The following GALNT14 variants were observed in gnomAD, a reference collection of about 807,000 sequenced individuals.
GALNT14 encodes the protein polypeptide N-acetylgalactosaminyltransferase 14, also known as UDP-GalNAc:polypeptide N-acetylgalactosaminyltransferase 14.
In GALNT14, 60 loss-of-function variants were observed where a neutral mutation model predicts 77.5. The observed-to-expected ratio is 0.77, with a 90% CI of 0.63 to 0.96. GALNT14 has a LOEUF of 0.96. Among genes scored for constraint, GALNT14 ranks in the 40% least tolerant of loss-of-function variants. GALNT14 has a pLI of 0.00. For synonymous variants in GALNT14, 280 were observed against 281.7 expected (o/e 0.99, Z 0.06); for missense variants, 710 against 731.0 (o/e 0.97, Z 0.33).
At chr2:30,887,822 A>C in the GALNT14 span, among the ~76,000 whole-genome samples, 1 of 152,112 alleles carries the variant, frequency 6.6e-6, no homozygotes, top group Non-Finnish European at 1.5e-5. Flanking sequence ...TTTTCTTCCA[A>C]GGGTTTTTGG....
At position 30,910,819 on chromosome 2, in the gene GALNT14, G is replaced by A. The variant is rs1664309553; in HGVS notation, c.*82C>T. 1 of 1,490,646 alleles carries A rather than the reference G, an allele frequency of 6.7e-7. No individual in the cohort carries two copies. Among genetic ancestry groups the A allele is most frequent in the Non-Finnish European group, 9.1e-7 (1 of 1,099,238 alleles). 92.3% of individuals were successfully genotyped at this position (1,490,646 alleles called of 1,614,324 possible). On this transcript the variant is annotated 3_prime_UTR_variant, in exon 15 of 15. Coordinates refer to ENST00000349752, the MANE Select transcript of GALNT14 (RefSeq NM_024572.4). ...GTCCAGGATGTCTGAGGTGGTTGCA[G>A]GCTGCTTGCTGCCCAGTTTCCAGTC...
chr2:30,991,157 T>G (rs1334811402), intron 2 of GALNT14: 1 of 151,784 alleles, frequency 6.6e-6, no homozygotes, highest in East Asian at 1.9e-4. Context: ...CTTGTTGCCT[T>G]CTTTCTGCAG....
chr2:31,041,195 A>G (rs1200001012), intron 1 of GALNT14, among the ~76,000 whole-genome samples: 3 of 152,174 alleles, frequency 2.0e-5, no homozygotes, highest in Non-Finnish European at 4.4e-5. Flanking sequence ...TAGAAGGCAA[A>G]AAGATAAAGG....
chr2:31,068,908 G>A (rs973920610), intron 1 of GALNT14, among the ~76,000 whole-genome samples: 3 of 152,174 alleles, frequency 2.0e-5, no homozygotes, highest in South Asian at 2.1e-4. Context: ...AAGAGGCCAC[G>A]TATTGTATGA....
chr2:31,100,595 A>C lies in GALNT14; in HGVS notation c.129+37363T>G, dbSNP rs183929309. Among the ~76,000 whole-genome samples, 1,028 of 152,076 alleles carry C rather than the reference A, an allele frequency of 6.8e-3. 12 individuals are homozygous for C. The highest frequency in any genetic ancestry group is 9.1e-3 in the Non-Finnish European group (620 of 67,944). ...AGTATCACCTGTGCAATGAGGAGTA[A>C]CAGTACTAATAGCATAGATCCTTGT... On this transcript the variant is annotated intron_variant, in intron 1 of 14. Coordinates refer to ENST00000349752, the MANE Select transcript of GALNT14 (RefSeq NM_024572.4).
At chr2:30,953,059 A>G (rs1667134250) in intron 6 of GALNT14, among the ~76,000 whole-genome samples, 1 of 152,112 alleles carries the variant, frequency 6.6e-6, no homozygotes, top group South Asian at 2.1e-4. Context: ...GTACTCCTAG[A>G]CTCAGTTCTG....
chr2:31,010,309 G>A (rs1049092504), intron 1 of GALNT14, among the ~76,000 whole-genome samples: 6 of 152,184 alleles, frequency 3.9e-5, no homozygotes, highest in Admixed American at 6.5e-5. Flanking sequence ...TCTTAAAAAC[G>A]ACATCTGTGG....
the GALNT14 span, among the ~76,000 whole-genome samples, chr2:30,902,304 T>A: frequency 1.2e-4 from 19 of 152,156 alleles, no homozygotes; most frequent in African/African-American, 4.1e-4. Context: ...TAGAGAGCAT[T>A]TGGATAACTC....
chr2:31,069,966 A>G (rs1242722368), intron 1 of GALNT14, among the ~76,000 whole-genome samples: 1 of 152,094 alleles, frequency 6.6e-6, no homozygotes, highest in Non-Finnish European at 1.5e-5. Context: ...CTGGACCGAG[A>G]GAAGAGGAGG....
At chr2:30,942,453 T>C in intron 8 of GALNT14, 149 bp from the exon 9 acceptor site, 1 of 616,248 alleles carries the variant, frequency 1.6e-6, no homozygotes. Context: ...TCTTCCCATT[T>C]CTGTTCCTCT....
chr2:31,000,721 C>A (rs1257930362), intron 1 of GALNT14, among the ~76,000 whole-genome samples: 1 of 152,122 alleles, frequency 6.6e-6, no homozygotes, highest in Non-Finnish European at 1.5e-5. Flanking sequence ...AGGCAGCCTG[C>A]TTTACGCAAA....
At chr2:30,926,919 G>A in intron 11 of GALNT14, among the ~76,000 whole-genome samples, 1 of 152,178 alleles carries the variant, frequency 6.6e-6, no homozygotes. Context: ...GGGCACTGGA[G>A]GAATGGAAAA....
intron 1 of GALNT14, among the ~76,000 whole-genome samples, chr2:31,062,733 G>A (rs975109791): frequency 2.0e-5 from 3 of 152,136 alleles, no homozygotes; most frequent in African/African-American, 7.2e-5. Flanking sequence ...GTTGTTTCAT[G>A]ACTTTTTAAT....
chr2:31,102,575 G>T (rs1162862671), intron 1 of GALNT14, among the ~76,000 whole-genome samples: 6 of 152,094 alleles, frequency 3.9e-5, no homozygotes, highest in Non-Finnish European at 7.4e-5. Context: ...CTAATAGATG[G>T]TCAATATTTG....
intron 12 of GALNT14, 149 bp from the exon 13 acceptor site, chr2:30,924,412 T>A: frequency 1.2e-6 from 1 of 800,646 alleles, no homozygotes. Context: ...AGGGTGCCAC[T>A]AAGAATGAGG....
chr2:30,966,283 A>T lies in GALNT14; in HGVS notation c.319T>A (p.Cys107Ser). ...ATGCTAGTGGGTGGAAGGTCCGTGCAATACACCAGCAGTGTGCATCTGGGG... is the reference window on the plus strand; with the variant it reads ...ATGCTAGTGGGTGGAAGGTCCGTGCTATACACCAGCAGTGTGCATCTGGGG... ...RHLRCTLLVY[C>S]TDLPPTSIII... The change falls in exon 3 of 15, where the codon TGC becomes AGC. Residue 107 changes from cysteine to serine, a missense_variant. Coordinates refer to ENST00000349752, the MANE Select transcript of GALNT14 (RefSeq NM_024572.4). The T allele has an allele frequency of 6.2e-7, 1 of 1,613,798 alleles. No homozygotes were observed. Among genetic ancestry groups the T allele is most frequent in the Non-Finnish European group, 8.5e-7 (1 of 1,179,732 alleles).
chr2:30,924,233 G>A lies in GALNT14; in HGVS notation c.1266C>T (p.Gly422=). Residue 422 remains glycine (G), a synonymous_variant, in exon 13 of 15, where the codon GGC becomes GGT. Coordinates refer to ENST00000349752, the MANE Select transcript of GALNT14 (RefSeq NM_024572.4). ...SIPKESSIQK[G]NIRQRQKCLE... ...GGCACTTCTGTCTCTGTCGGATATT[G>A]CCCTTCTGGATGGAGGACTCCTTGG... The A allele has an allele frequency of 6.2e-7, 1 of 1,614,202 alleles. No homozygotes were observed. Among genetic ancestry groups the A allele is most frequent in the Non-Finnish European group, 8.5e-7 (1 of 1,180,016 alleles).
At chr2:30,925,878 G>C (rs1665341970) in intron 11 of GALNT14, among the ~76,000 whole-genome samples, 2 of 152,176 alleles carry the variant, frequency 1.3e-5, no homozygotes, top group South Asian at 4.2e-4. Flanking sequence ...GGAGGGTAGT[G>C]AGGAGGCAGC....
chr2:31,138,074 T>A lies in GALNT14; in HGVS notation c.13A>T (p.Thr5Ser), dbSNP rs765528979. The A allele has an allele frequency of 6.2e-7, 1 of 1,613,618 alleles. No homozygotes were observed. Among genetic ancestry groups the A allele is most frequent in the Non-Finnish European group, 8.5e-7 (1 of 1,179,750 alleles). The change falls in exon 1 of 15, where the codon ACT becomes TCT. Residue 5 changes from threonine (T) to serine (S), a missense_variant. Physicochemically the swap from Thr to Ser is moderately conservative, Grantham distance 58 (BLOSUM62 1). Coordinates refer to ENST00000349752, the MANE Select transcript of GALNT14 (RefSeq NM_024572.4). ...AAGACTGGCAGAACCAGCCGACGAG[T>A]CAGGCGCCGCATGGTCCCCTTTGCC... is the stretch of plus-strand genomic sequence containing the variant. MRRL[T>S]RRLVLPVFGV...
Sources: gnomAD v4.1 joint callset for allele counts (sites outside exome capture counted in the v4.1 genomes callset) on GRCh38, gnomAD v4.1.1 for gene constraint, MANE v1.5 for transcripts, NCBI Gene and HGNC (gene_info 2026-07-23, HGNC 2026-07-21) for gene names.